Variants in SNX29 observed in about 807,000 individuals in gnomAD.
SNX29 encodes the protein sorting nexin 29.
A neutral mutation model predicts 102.1 loss-of-function variants in SNX29; 78 were observed. The ratio of observed to expected loss-of-function variants is 0.76; its 90% CI spans 0.64 to 0.92. The LOEUF (loss-of-function observed/expected upper bound fraction) is 0.92. SNX29 is among the 40% of genes least tolerant of loss of function. The probability of loss-of-function intolerance (pLI) is 0.00; values close to 1 mark genes in which losing one functional copy is unlikely to be tolerated. For missense variants in SNX29, 1,280 were observed against 1,061.7 expected (o/e 1.21, Z -2.86); for synonymous variants, 580 against 414.5 (o/e 1.40, Z -4.85).
At chr16:12,348,901 C>G (rs1057012615) in intron 15 of SNX29, among the ~76,000 whole-genome samples, 5 of 149,822 alleles carry the variant, frequency 3.3e-5, no homozygotes, top group African/African-American at 1.3e-4. Context: ...GTGGAACATT[C>G]CTCGTGCGCA....
Position 12,477,767 on chromosome 16 carries a change from A to G in SNX29, c.2086A>G (p.Thr696Ala), listed in dbSNP as rs551152628. 1.8e-5 allele frequency: 29 copies of G among 1,613,296 alleles called. No homozygotes were observed. In the Admixed American group the frequency reaches 3.3e-4, roughly 19 times the overall value. Reference sequence around the variant, plus strand: ...TGAATGGAATATTTATCGCCGGTATACAGAGTTCAGGAGTTTGCACCACAA... The same window carrying G: ...TGAATGGAATATTTATCGCCGGTATGCAGAGTTCAGGAGTTTGCACCACAA... ...DDEWNIYRRY[T>A]EFRSLHHKLQ... The change falls in exon 19 of 21, where the codon ACA becomes GCA. Residue 696 changes from threonine (T) to alanine (A), a missense_variant. Transcript: ENST00000566228.
At chr16:12,461,942 C>G (rs1300647359) in intron 18 of SNX29, among the ~76,000 whole-genome samples, 6 of 98,480 alleles carry the variant, frequency 6.1e-5, no homozygotes, top group Non-Finnish European at 1.1e-4. Flanking sequence ...GGTGACAGAG[C>G]GAGACTCTGT....
intron 11 of SNX29, among the ~76,000 whole-genome samples, chr16:12,108,490 T>C (rs1426964280): frequency 6.6e-6 from 1 of 152,194 alleles, no homozygotes; most frequent in African/African-American, 2.4e-5. Context: ...TTTTGAGTCT[T>C]GGAGGTGCTG....
Position 12,565,015 on chromosome 16 carries a change from C to T in SNX29, c.2319-3491C>T, listed in dbSNP as rs74909892. Among the ~76,000 whole-genome samples, 474 of 152,048 alleles carry T rather than the reference C, an allele frequency of 3.1e-3. 6 individuals are homozygous for T. Among genetic ancestry groups the T allele is most frequent in the East Asian group, 8.9e-3 (46 of 5,162 alleles). On this transcript the variant is annotated intron_variant, in intron 20 of 20. Transcript: ENST00000566228. The stretch of plus-strand genomic sequence containing the variant: ...TACAGCCCATGTCTCTACTGTTGGA[C>T]GCCAGTCCTGGGATGAGCCTGGCAC...
At chr16:12,364,441 A>G (rs1170232922) in intron 16 of SNX29, among the ~76,000 whole-genome samples, 2 of 143,706 alleles carry the variant, frequency 1.4e-5, no homozygotes, top group Non-Finnish European at 3.0e-5. Flanking sequence ...TACTGTGAGT[A>G]TTTTTAGGAC....
chr16:12,129,339 T>G (rs1196421351), intron 12 of SNX29, among the ~76,000 whole-genome samples: 3 of 152,204 alleles, frequency 2.0e-5, no homozygotes, highest in Non-Finnish European at 4.4e-5. Context: ...GGCTGGAATT[T>G]GCTCACCTCA....
At chr16:12,342,363 C>G (rs890097033) in intron 15 of SNX29, among the ~76,000 whole-genome samples, 6 of 152,172 alleles carry the variant, frequency 3.9e-5, no homozygotes, top group African/African-American at 1.2e-4. Context: ...ATTACAGTCT[C>G]CATGTTGCTG....
intron 20 of SNX29, among the ~76,000 whole-genome samples, chr16:12,528,313 T>G (rs2141157924): frequency 6.6e-6 from 1 of 152,270 alleles, no homozygotes; most frequent in South Asian, 2.1e-4. Context: ...TTTTCCCGCC[T>G]CAGCCTCTGA....
intron 13 of SNX29, among the ~76,000 whole-genome samples, chr16:12,171,427 A>C (rs894875266): frequency 9.2e-5 from 14 of 152,154 alleles, no homozygotes; most frequent in Admixed American, 3.3e-4. Context: ...GTCATACCAG[A>C]GCATGGGCTT....
chr16:12,168,642 A>G (rs2076072656), intron 13 of SNX29, among the ~76,000 whole-genome samples: 1 of 152,134 alleles, frequency 6.6e-6, no homozygotes, highest in African/African-American at 2.4e-5. Flanking sequence ...CCTACTGTAC[A>G]TTCCTGGTTT....
chr16:12,178,401 C>T (rs559852463), intron 13 of SNX29, among the ~76,000 whole-genome samples: 1 of 152,232 alleles, frequency 6.6e-6, no homozygotes, highest in East Asian at 1.9e-4. Context: ...ATGCTGGAGA[C>T]GTATTGCTTT....
chr16:12,448,215 G>T (rs766843629), intron 18 of SNX29, among the ~76,000 whole-genome samples: 12 of 152,228 alleles, frequency 7.9e-5, no homozygotes, highest in Non-Finnish European at 1.3e-4. Flanking sequence ...GTCCGGGTCT[G>T]TCTCACTTCA....
At chr16:12,565,031 A>AGC (rs1455704315) in intron 20 of SNX29, among the ~76,000 whole-genome samples, 2 of 151,842 alleles carry the variant, frequency 1.3e-5, no homozygotes, top group African/African-American at 2.4e-5. Context: ...TCCTGGGATG[A>AGC]GCCTGGCACT....
chr16:12,404,660 C>T (rs550647289), intron 18 of SNX29, among the ~76,000 whole-genome samples: 1 of 152,226 alleles, frequency 6.6e-6, no homozygotes, highest in Non-Finnish European at 1.5e-5. Flanking sequence ...TATTTTTCCC[C>T]AAAGAGTGGG....
intron 15 of SNX29, among the ~76,000 whole-genome samples, chr16:12,286,007 T>C (rs2079583677): frequency 6.6e-6 from 1 of 152,124 alleles, no homozygotes; most frequent in African/African-American, 2.4e-5. Context: ...CATGCTCAGC[T>C]AATTTTTGTA....
chr16:12,454,681 C>T (rs972768128), intron 18 of SNX29, among the ~76,000 whole-genome samples: 3 of 151,938 alleles, frequency 2.0e-5, no homozygotes, highest in Non-Finnish European at 4.4e-5. Context: ...AGTGCAGTGG[C>T]GCATCATTGG....
intron 4 of SNX29, among the ~76,000 whole-genome samples, chr16:12,041,667 C>A (rs1596669888): frequency 1.3e-5 from 2 of 152,258 alleles, no homozygotes; most frequent in African/African-American, 4.8e-5. Flanking sequence ...GCTTCTCTGG[C>A]CACATCATGT....
rs537914360 is a variant in SNX29, at chr16:12,419,427, A to G, written c.2037+15898A>G. 4.6e-5 allele frequency among the ~76,000 whole-genome samples: 7 copies of G among 152,206 alleles called. No homozygotes were observed. In the South Asian group the frequency reaches 1.0e-3, roughly 23 times the overall value. On this transcript the variant is annotated intron_variant, in intron 18 of 20. Coordinates refer to ENST00000566228, the MANE Select transcript of SNX29 (RefSeq NM_032167.5). The stretch of plus-strand genomic sequence containing the variant: ...ATCAAGACACTCATTCCCCATTGAC[A>G]CTTGCACGCTCTTGGTTGCGGGAGG...
intron 14 of SNX29, among the ~76,000 whole-genome samples, chr16:12,265,182 AGGGCAG>A (rs1260180940): frequency 3.3e-5 from 5 of 152,164 alleles, no homozygotes; most frequent in African/African-American, 1.2e-4. Context: ...CACTTGTTTC[AGGGCAG>A]GAAATCACTC....
Sources: gnomAD v4.1 joint callset for allele counts (sites outside exome capture counted in the v4.1 genomes callset) on GRCh38, gnomAD v4.1.1 for gene constraint, MANE v1.5 for transcripts, NCBI Gene and HGNC (gene_info 2026-07-23, HGNC 2026-07-21) for gene names.